The following GRID2 variants were observed in gnomAD, a reference collection of about 807,000 sequenced individuals.
GRID2 encodes the protein glutamate ionotropic receptor delta type subunit 2.
A neutral mutation model predicts 114.8 loss-of-function variants in GRID2; 33 were observed. That is an observed-to-expected ratio of 0.29 (90% confidence interval 0.22 to 0.38). The LOEUF (loss-of-function observed/expected upper bound fraction) is 0.38, where lower values mean the gene tolerates loss of function less well. Ranked by LOEUF, GRID2 falls within the 10% of genes least tolerant of loss-of-function variation. The pLI, the probability that GRID2 is intolerant of heterozygous loss-of-function variation, is 1.00. For missense variants in GRID2, 1,184 were observed against 1,257.7 expected, an observed-to-expected ratio of 0.94 and a Z score of 0.89; for synonymous variants, 505 against 449.9, an observed-to-expected ratio of 1.12 and a Z score of -1.55.
chr4:92,915,775 G>A (rs1748741456), intron 2 of GRID2, among the ~76,000 whole-genome samples: 1 of 152,030 alleles, frequency 6.6e-6, no homozygotes, highest in South Asian at 2.1e-4. Context: ...GTGTGAGATG[G>A]TATCTCATTC....
intron 8 of GRID2, among the ~76,000 whole-genome samples, chr4:93,346,190 T>A (rs531525115): frequency 6.6e-6 from 1 of 152,268 alleles, no homozygotes; most frequent in African/African-American, 2.4e-5. Flanking sequence ...TGAATTAAAA[T>A]TAGTAGTTTG....
At chr4:93,675,737 T>TCTAA (rs961792793) in intron 14 of GRID2, among the ~76,000 whole-genome samples, 13 of 152,244 alleles carry the variant, frequency 8.5e-5, no homozygotes, top group African/African-American at 3.1e-4. Context: ...GGCCTGTTTC[T>TCTAA]CTAACTTTAT....
intron 8 of GRID2, among the ~76,000 whole-genome samples, chr4:93,378,214 A>T (rs1278316226): frequency 6.6e-6 from 1 of 152,098 alleles, no homozygotes; most frequent in Non-Finnish European, 1.5e-5. Context: ...TTCCTAGAAT[A>T]AATCTTACTT....
At chr4:93,560,222 T>TAAAAAAAAAAAAAAAAAAAAAAAAAAAAA (rs70942974) in intron 13 of GRID2, among the ~76,000 whole-genome samples, 2 of 42,954 alleles carry the variant, frequency 4.7e-5, no homozygotes, top group African/African-American at 8.9e-5. Flanking sequence ...GAACTTAAAG[T>TAAAAAAAAAAAAAAAAAAAAAAAAAAAAA]AAAAAAAAAA....
At chr4:93,763,332 C>T (rs1733370640) in intron 14 of GRID2, among the ~76,000 whole-genome samples, 1 of 152,142 alleles carries the variant, frequency 6.6e-6, no homozygotes, top group Non-Finnish European at 1.5e-5. Context: ...AATTTTAAAT[C>T]ATATTGGGCT....
intron 1 of GRID2, among the ~76,000 whole-genome samples, chr4:92,431,282 A>G (rs1202217362): frequency 2.6e-5 from 4 of 152,136 alleles, no homozygotes; most frequent in Non-Finnish European, 1.5e-5. Flanking sequence ...TATTTTATCT[A>G]TCCCCAGTTT....
Position 92,350,899 on chromosome 4 carries a change from A to G in GRID2, c.88+46155A>G, listed in dbSNP as rs976215795. Among the ~76,000 whole-genome samples the G allele has an allele frequency of 2.6e-5, 4 of 151,928 alleles. No individual in the cohort carries two copies. In the South Asian group the frequency reaches 8.3e-4, roughly 31 times the overall value. On this transcript the variant is annotated intron_variant, in intron 1 of 15. Transcript: ENST00000282020. ...TGTCTCAATAAATTGCCTGTTCTGG[A>G]TGTTTCATATAAATGGAATCATATA...
chr4:92,440,511 A>G (rs1732991621), intron 1 of GRID2, among the ~76,000 whole-genome samples: 1 of 152,064 alleles, frequency 6.6e-6, no homozygotes. Context: ...CAAATCCTCG[A>G]GCTTGATGTG....
intron 2 of GRID2, among the ~76,000 whole-genome samples, chr4:92,736,026 C>T (rs1413097480): frequency 1.3e-5 from 2 of 152,034 alleles, no homozygotes; most frequent in African/African-American, 4.8e-5. Context: ...TCTCTGGAAC[C>T]TGCAAATATG....
At chr4:92,645,240 T>C (rs1188951737) in intron 2 of GRID2, among the ~76,000 whole-genome samples, 1 of 151,728 alleles carries the variant, frequency 6.6e-6, no homozygotes, top group Non-Finnish European at 1.5e-5. Flanking sequence ...TGTCTTTTCT[T>C]TTTCCTTGGA....
intron 1 of GRID2, among the ~76,000 whole-genome samples, chr4:92,553,509 T>G (rs1726698898): frequency 6.6e-6 from 1 of 152,106 alleles, no homozygotes; most frequent in African/African-American, 2.4e-5. Flanking sequence ...GAAATTTGAT[T>G]TATAGGTATT....
chr4:93,084,205 T>C (rs1730131572), intron 2 of GRID2, among the ~76,000 whole-genome samples: 1 of 152,208 alleles, frequency 6.6e-6, no homozygotes, highest in Non-Finnish European at 1.5e-5. Context: ...ATACAATTTC[T>C]TTACATTTAC....
chr4:92,799,664 C>G (rs1375709176), intron 2 of GRID2, among the ~76,000 whole-genome samples: 5 of 151,944 alleles, frequency 3.3e-5, no homozygotes, highest in Non-Finnish European at 5.9e-5. Flanking sequence ...AGCTGTCATC[C>G]ATTTAAACTT....
chr4:93,352,543 A>G (rs1560529681), intron 8 of GRID2, among the ~76,000 whole-genome samples: 4 of 152,062 alleles, frequency 2.6e-5, no homozygotes, highest in South Asian at 4.1e-4. Flanking sequence ...GAGAAGTTAA[A>G]TAATCTGTCC....
chr4:92,651,707 A>G (rs1398734018), intron 2 of GRID2, among the ~76,000 whole-genome samples: 1 of 152,120 alleles, frequency 6.6e-6, no homozygotes, highest in African/African-American at 2.4e-5. Context: ...GAATTGATAT[A>G]TAATCACACA....
At position 93,789,224 on chromosome 4, in the gene GRID2, T is replaced by C. The variant is rs190359686; in HGVS notation, c.222-17491T>C. Reference sequence around the variant, plus strand: ...CATCAGATAGCCATATAAATTATTTTAATTGCTATATTAAACATTTGAATT... The same window carrying C: ...CATCAGATAGCCATATAAATTATTTCAATTGCTATATTAAACATTTGAATT... On this transcript the variant is annotated intron_variant, in intron 1 of 1. Transcript: ENST00000637838. Among the ~76,000 whole-genome samples, 68 of 152,350 alleles carry C rather than the reference T, an allele frequency of 4.5e-4. 1 individual carries two copies. In the East Asian group the frequency reaches 0.012, roughly 27 times the overall value.
At chr4:93,648,457 T>C (rs1287729281) in intron 14 of GRID2, among the ~76,000 whole-genome samples, 2 of 152,190 alleles carry the variant, frequency 1.3e-5, no homozygotes, top group Non-Finnish European at 2.9e-5. Context: ...GACAGCAAAC[T>C]ATGAAATCTG....
intron 2 of GRID2, among the ~76,000 whole-genome samples, chr4:92,631,080 T>C (rs559727652): frequency 6.6e-6 from 1 of 152,106 alleles, no homozygotes; most frequent in South Asian, 2.1e-4. Context: ...TGTTTCTCTT[T>C]CAGAAGTAAT....
rs187047838 is a variant in GRID2, at chr4:93,463,952, G to A, written c.1858+7978G>A. ...TGCAGTGAGCCGAGATTGTGCCACT[G>A]CACTCCAGCCTGGGCGACACAGCAA... On this transcript the variant is annotated intron_variant, in intron 11 of 15. Coordinates refer to ENST00000282020, the MANE Select transcript of GRID2 (RefSeq NM_001510.4). 2.5e-3 allele frequency among the ~76,000 whole-genome samples: 385 copies of A among 152,142 alleles called. 3 individuals are homozygous for A. The highest frequency in any genetic ancestry group is 4.4e-3 in the Non-Finnish European group (300 of 68,008).
Sources: allele counts gnomAD v4.1 joint callset (sites outside exome capture counted in the v4.1 genomes callset), GRCh38; gene constraint gnomAD v4.1.1; transcripts MANE v1.5; gene names NCBI Gene and HGNC (gene_info 2026-07-23, HGNC 2026-07-21).